The following CSMD1 variants were observed in gnomAD, a reference collection of about 807,000 sequenced individuals.
The protein encoded by CSMD1 is CUB and Sushi multiple domains 1.
Under a neutral mutation model 417.5 loss-of-function variants are expected in CSMD1, and 213 were observed. The observed-to-expected ratio is 0.51, with a 90% CI of 0.46 to 0.57. CSMD1 has a LOEUF of 0.57. Ranked by LOEUF, CSMD1 falls within the 20% of genes least tolerant of loss-of-function variation. The pLI is 0.00. For missense variants in CSMD1, 6,923 were observed against 4,529.7 expected (o/e 1.53, Z -15.17); for synonymous variants, 2,862 against 1,736.8 (o/e 1.65, Z -16.11).
intron 4 of CSMD1, among the ~76,000 whole-genome samples, chr8:4,031,223 T>G (rs902651572): frequency 1.3e-5 from 2 of 152,198 alleles, no homozygotes; most frequent in African/African-American, 4.8e-5. Flanking sequence ...ATCTATTGTA[T>G]TAGTTCATTT....
intron 1 of CSMD1, among the ~76,000 whole-genome samples, chr8:4,785,118 G>C (rs140901594): frequency 9.2e-5 from 14 of 152,140 alleles, no homozygotes; most frequent in Non-Finnish European, 2.1e-4. Flanking sequence ...CTTCTTTCAG[G>C]AGAATTTTTA....
intron 49 of CSMD1, among the ~76,000 whole-genome samples, chr8:3,074,823 A>G (rs985923486): frequency 6.6e-6 from 1 of 152,200 alleles, no homozygotes; most frequent in Non-Finnish European, 1.5e-5. Flanking sequence ...ATATCATTCA[A>G]TTGATATAAA....
intron 1 of CSMD1, among the ~76,000 whole-genome samples, chr8:4,648,849 G>C (rs1275552026): frequency 1.3e-5 from 2 of 152,266 alleles, no homozygotes; most frequent in East Asian, 3.9e-4. Flanking sequence ...TGGTCGGGAA[G>C]TATGCACACC....
At chr8:3,915,233 C>A (rs539040271) in intron 5 of CSMD1, among the ~76,000 whole-genome samples, 1 of 151,884 alleles carries the variant, frequency 6.6e-6, no homozygotes, top group South Asian at 2.1e-4. Context: ...TCACGAAACT[C>A]TGCCTCTACC....
At chr8:4,632,451 G>T (rs1340354862) in intron 2 of CSMD1, among the ~76,000 whole-genome samples, 3 of 152,190 alleles carry the variant, frequency 2.0e-5, no homozygotes, top group Admixed American at 6.5e-5. Context: ...GGAGGAGATT[G>T]CAGTGAGCCA....
At chr8:3,883,600 A>G (rs1346427130) in intron 5 of CSMD1, among the ~76,000 whole-genome samples, 1 of 152,138 alleles carries the variant, frequency 6.6e-6, no homozygotes, top group Non-Finnish European at 1.5e-5. Flanking sequence ...TAGTGTTATT[A>G]TTTATTTGAT....
Position 3,266,772 on chromosome 8 carries a change from C to T in CSMD1, c.4153+17372G>A, listed in dbSNP as rs577343815. 1.7e-4 allele frequency among the ~76,000 whole-genome samples: 20 copies of T among 119,970 alleles called. No individual in the cohort carries two copies. The East Asian group carries it at 3.5e-3, about 21-fold the overall frequency. 78.7% of individuals were successfully genotyped at this position (119,970 alleles called of 152,430 possible). ...CCTGGGCGAAAGAGTGAGACACTGT[C>T]TTAAAAAAAATCAAAAAAAAAAAAA... is the stretch of plus-strand genomic sequence containing the variant. On this transcript the variant is annotated intron_variant, in intron 26 of 69. Transcript: ENST00000635120.
intron 23 of CSMD1, among the ~76,000 whole-genome samples, chr8:3,327,234 C>G (rs1038527401): frequency 2.0e-5 from 3 of 151,996 alleles, no homozygotes; most frequent in Admixed American, 2.0e-4. Flanking sequence ...GCTCCGCCTC[C>G]CAGGTTCACG....
At position 4,969,556 on chromosome 8, in the gene CSMD1, T is replaced by A. The variant is rs558047338; in HGVS notation, c.85+24776A>T. On this transcript the variant is annotated intron_variant, in intron 1 of 69. Transcript: ENST00000635120. Reference sequence around the variant, plus strand: ...AGTGTCTAGGAAATAATATTACTCTTATCTCACAACAGCTCAGTTCTATTT... The same window carrying A: ...AGTGTCTAGGAAATAATATTACTCTAATCTCACAACAGCTCAGTTCTATTT... Among the ~76,000 whole-genome samples, 24 of 151,922 alleles carry A rather than the reference T, an allele frequency of 1.6e-4. 1 individual carries two copies. The highest frequency in any genetic ancestry group is 5.8e-4 in the African/African-American group (24 of 41,468).
At chr8:3,615,057 C>G (rs116168758) in intron 8 of CSMD1, among the ~76,000 whole-genome samples, 1 of 152,120 alleles carries the variant, frequency 6.6e-6, no homozygotes, top group East Asian at 1.9e-4. Context: ...AGATAAAATT[C>G]CTGAATGACT....
In CSMD1 at chr8:3,602,868, G is replaced by A. The variant is rs949597565; in HGVS notation, c.1097+13842C>T. ...GTTGATAATTCATCAACTATGTTTT[G>A]TATTTTGAAGCTAACAAATTAATAT... On this transcript the variant is annotated intron_variant, in intron 8 of 69. Transcript: ENST00000635120. Among the ~76,000 whole-genome samples the A allele has an allele frequency of 2.6e-5, 4 of 151,892 alleles. No individual in the cohort carries two copies. In the South Asian group the frequency reaches 6.2e-4, roughly 24 times the overall value.
chr8:3,625,374 C>T (rs1796442833), intron 7 of CSMD1, among the ~76,000 whole-genome samples: 1 of 152,080 alleles, frequency 6.6e-6, no homozygotes. Context: ...GAGACAAGGG[C>T]TGCATTTTCC....
At chr8:4,580,540 G>C (rs547795609) in intron 2 of CSMD1, among the ~76,000 whole-genome samples, 344 of 152,270 alleles carry the variant, frequency 2.3e-3, no homozygotes, top group Admixed American at 5.2e-3. Context: ...CCCAGCTTGA[G>C]TTGTTCCCCA....
chr8:4,726,519 T>G (rs750365190), intron 1 of CSMD1, among the ~76,000 whole-genome samples: 18 of 152,138 alleles, frequency 1.2e-4, no homozygotes, highest in Admixed American at 1.0e-3. Flanking sequence ...GACAGGGCTT[T>G]AATGAGAATA....
chr8:3,366,321 T>G (rs1232149166), intron 20 of CSMD1, among the ~76,000 whole-genome samples: 1 of 152,162 alleles, frequency 6.6e-6, no homozygotes, highest in African/African-American at 2.4e-5. Context: ...TTTGTTTATG[T>G]GACCAAGTTT....
At chr8:3,986,579 T>C (rs1356189649) in intron 5 of CSMD1, among the ~76,000 whole-genome samples, 1 of 152,158 alleles carries the variant, frequency 6.6e-6, no homozygotes, top group African/African-American at 2.4e-5. Flanking sequence ...CTTTCAACTT[T>C]CTAATTATTT....
intron 25 of CSMD1, among the ~76,000 whole-genome samples, chr8:3,289,453 G>C (rs992514264): frequency 6.8e-6 from 1 of 147,488 alleles, no homozygotes; most frequent in African/African-American, 2.7e-5. Flanking sequence ...CAGTGTAAAA[G>C]TGTTCCTATT....
At chr8:3,211,515 C>A (rs1046413521) in intron 30 of CSMD1, among the ~76,000 whole-genome samples, 2 of 152,188 alleles carry the variant, frequency 1.3e-5, no homozygotes, top group Non-Finnish European at 2.9e-5. Context: ...CCCTTTGTTA[C>A]ATCAAAATGG....
At chr8:3,279,209 G>A (rs6990479) in intron 26 of CSMD1, 51,013 of 151,988 alleles carry the variant, frequency 0.34, 8,958 homozygotes, top group South Asian at 0.38. Flanking sequence ...CGCCCAGACC[G>A]TTGGCCCCCA....
Sources: allele counts gnomAD v4.1 joint callset (sites outside exome capture counted in the v4.1 genomes callset), GRCh38; gene constraint gnomAD v4.1.1; transcripts MANE v1.5; gene names NCBI Gene and HGNC (gene_info 2026-07-23, HGNC 2026-07-21).